Variants in OXCT1 observed in about 807,000 individuals in gnomAD.
OXCT1 encodes the protein succinyl-CoA:3-ketoacid coenzyme A transferase 1, mitochondrial.
OXCT1 carries 27 observed loss-of-function variants against 69.6 expected under a neutral mutation model. That is an observed-to-expected ratio of 0.39 (90% CI 0.29 to 0.54). The LOEUF is 0.54. Among genes scored for constraint, OXCT1 ranks in the 20% least tolerant of loss-of-function variants. The pLI is 0.72. For synonymous variants in OXCT1, 202 were observed against 217.8 expected, an observed-to-expected ratio of 0.93 and a Z score of 0.64; for missense variants, 437 against 650.2, an observed-to-expected ratio of 0.67 and a Z score of 3.57.
chr5:41,744,295 G>A (rs1424652048), intron 15 of OXCT1, among the ~76,000 whole-genome samples: 1 of 152,174 alleles, frequency 6.6e-6, no homozygotes, highest in Non-Finnish European at 1.5e-5. Context: ...GAATGCTTGT[G>A]ATTTCTGCAC....
intron 3 of OXCT1, 89 bp downstream of exon 3, chr5:41,861,225 G>T: frequency 1.1e-6 from 1 of 879,588 alleles, no homozygotes. Context: ...ATGTGAATAG[G>T]AGAAAACTTC....
intron 16 of OXCT1, among the ~76,000 whole-genome samples, chr5:41,733,692 T>A (rs1179309099): frequency 1.3e-5 from 2 of 152,228 alleles, no homozygotes; most frequent in Non-Finnish European, 2.9e-5. Context: ...GAGCTCTTAA[T>A]GTCATTTACA....
At chr5:41,853,240 C>T (rs1196090392) in intron 4 of OXCT1, among the ~76,000 whole-genome samples, 179 bp downstream of exon 4, 1 of 152,044 alleles carries the variant, frequency 6.6e-6, no homozygotes, top group Non-Finnish European at 1.5e-5. Flanking sequence ...TTTCAGTACA[C>T]AGTAGAAGAA....
intron 7 of OXCT1, among the ~76,000 whole-genome samples, chr5:41,833,156 T>C (rs1446776575): frequency 1.3e-5 from 2 of 152,202 alleles, no homozygotes; most frequent in Non-Finnish European, 2.9e-5. Flanking sequence ...AAGAAGGTTA[T>C]AGAACACCAA....
chr5:41,794,534 T>C, intron 12 of OXCT1, 143 bp downstream of exon 12: 1 of 748,954 alleles, frequency 1.3e-6, no homozygotes, highest in Non-Finnish European at 2.3e-6. Flanking sequence ...TGTGAATAAT[T>C]TCACACCCTG....
intron 5 of OXCT1, 35 bp from the exon 6 acceptor site, chr5:41,842,816 G>A (rs1395237575): frequency 7.4e-7 from 1 of 1,356,602 alleles, no homozygotes; most frequent in East Asian, 2.3e-5. Context: ...TCAGGTATTT[G>A]CATAGGTCTT....
At chr5:41,750,588 T>C (rs1177886750) in intron 14 of OXCT1, among the ~76,000 whole-genome samples, 1 of 152,156 alleles carries the variant, frequency 6.6e-6, no homozygotes, top group African/African-American at 2.4e-5. Context: ...CTTTTGGATC[T>C]AATGTACCAC....
intron 10 of OXCT1, among the ~76,000 whole-genome samples, chr5:41,802,621 T>C (rs964568183): frequency 8.9e-4 from 135 of 152,174 alleles, no homozygotes; most frequent in African/African-American, 3.2e-3. Context: ...GAGGCTTACT[T>C]AATTTTATTT....
At chr5:41,843,454 C>G (rs1476179429) in intron 5 of OXCT1, 2 of 428,978 alleles carry the variant, frequency 4.7e-6, no homozygotes, top group Admixed American at 2.5e-5. Context: ...GTTACATTTG[C>G]TCCTATCTAC....
intron 7 of OXCT1, among the ~76,000 whole-genome samples, chr5:41,814,943 T>TATC (rs1313908614): frequency 6.6e-6 from 1 of 152,118 alleles, no homozygotes; most frequent in Non-Finnish European, 1.5e-5. Context: ...TCAAAGTTGG[T>TATC]GATAGCACCT....
intron 5 of OXCT1, among the ~76,000 whole-genome samples, chr5:41,848,017 A>T (rs1749005354): frequency 6.7e-6 from 1 of 149,102 alleles, no homozygotes; most frequent in South Asian, 2.2e-4. Context: ...ACATGATTGT[A>T]TATCTAGAAA....
chr5:41,838,343 A>C (rs998943481), intron 7 of OXCT1, among the ~76,000 whole-genome samples: 3 of 152,164 alleles, frequency 2.0e-5, no homozygotes, highest in Non-Finnish European at 4.4e-5. Flanking sequence ...CAGTTCTTAC[A>C]ATTCAATCTA....
chr5:41,783,388 T>C (rs1745502538), intron 13 of OXCT1, among the ~76,000 whole-genome samples: 1 of 152,188 alleles, frequency 6.6e-6, no homozygotes, highest in Non-Finnish European at 1.5e-5. Context: ...CAGTAATCAT[T>C]AGCCCTTTGG....
intron 7 of OXCT1, among the ~76,000 whole-genome samples, chr5:41,834,566 TAAG>T (rs926918590): frequency 5.3e-5 from 8 of 150,420 alleles, no homozygotes; most frequent in African/African-American, 2.0e-4. Flanking sequence ...AGAAAAACTG[TAAG>T]AAGAGACAAA....
chr5:41,824,094 T>A (rs1191887551), intron 7 of OXCT1, among the ~76,000 whole-genome samples: 1 of 152,160 alleles, frequency 6.6e-6, no homozygotes, highest in Non-Finnish European at 1.5e-5. Flanking sequence ...ATACCAACCG[T>A]CATTTGTTTT....
At chr5:41,745,946 T>C (rs1342552446) in intron 15 of OXCT1, among the ~76,000 whole-genome samples, 14 of 152,044 alleles carry the variant, frequency 9.2e-5, no homozygotes, top group Non-Finnish European at 1.6e-4. Context: ...ACCAGATGGA[T>C]TCACAGCCGA....
intron 13 of OXCT1, among the ~76,000 whole-genome samples, chr5:41,783,207 T>G (rs1745493866): frequency 6.6e-6 from 1 of 152,214 alleles, no homozygotes; most frequent in South Asian, 2.1e-4. Context: ...ATGCATTTAC[T>G]ATTCTATTTT....
At chr5:41,751,859 G>A (rs1018484937) in intron 14 of OXCT1, among the ~76,000 whole-genome samples, 5 of 152,088 alleles carry the variant, frequency 3.3e-5, no homozygotes, top group African/African-American at 1.2e-4. Flanking sequence ...GAACAATGGA[G>A]CTAGATGATT....
intron 7 of OXCT1, among the ~76,000 whole-genome samples, chr5:41,818,131 G>A (rs932726643): frequency 6.6e-6 from 1 of 152,086 alleles, no homozygotes; most frequent in Non-Finnish European, 1.5e-5. Flanking sequence ...TTACATGCTG[G>A]GACTACAGAG....
Sources: gnomAD v4.1 joint callset for allele counts (sites outside exome capture counted in the v4.1 genomes callset) on GRCh38, gnomAD v4.1.1 for gene constraint, MANE v1.5 for transcripts, NCBI Gene and HGNC (gene_info 2026-07-23, HGNC 2026-07-21) for gene names.